STON2: variants seen among roughly 807,000 people sequenced by gnomAD.
STON2 encodes the protein stonin-2.
In STON2, 29 loss-of-function variants were observed where a neutral mutation model predicts 65.7. That is an observed-to-expected ratio of 0.44 (90% CI 0.33 to 0.60). The LOEUF is 0.60. STON2 is among the 20% of genes least tolerant of loss of function. The pLI is 0.03. For missense variants in STON2, 1,054 were observed against 1,118.1 expected, an observed-to-expected ratio of 0.94 and a Z score of 0.82; for synonymous variants, 404 against 414.2, an observed-to-expected ratio of 0.98 and a Z score of 0.30.
rs774812989 is a variant in STON2 at position 81,278,226 on chromosome 14, A to G, written c.1256T>C (p.Ile419Thr). ...GKSQRDSLIV[I>T]YQDAISFDDS... is the part of the protein sequence containing the mutation. ...ATCAAAACTGATGGCATCCTGGTAG[A>G]TGACAATGAGGGAATCTCTTTGGCT... Residue 419 changes from isoleucine to threonine, a missense_variant, in exon 6 of 8, where the codon ATC becomes ACC. Ile to Thr is a moderately conservative substitution (Grantham distance 89). Coordinates refer to ENST00000614646, the MANE Select transcript of STON2 (RefSeq NM_001394390.1). The G allele has an allele frequency of 6.8e-6, 11 of 1,614,062 alleles. No homozygotes were observed. Among genetic ancestry groups the G allele is most frequent in the Non-Finnish European group, 8.5e-6 (10 of 1,180,038 alleles).
At chr14:81,429,461 T>A (rs1902135337) in intron 1 of STON2, among the ~76,000 whole-genome samples, 1 of 152,254 alleles carries the variant, frequency 6.6e-6, no homozygotes, top group Admixed American at 6.5e-5. Flanking sequence ...AGTGCTTTCC[T>A]ATTAATACAA....
chr14:81,400,490 A>AAAC (rs1490038808), upstream of STON2, among the ~76,000 whole-genome samples: 2 of 151,180 alleles, frequency 1.3e-5, no homozygotes, highest in African/African-American at 2.4e-5. Flanking sequence ...AAAAAAAAAA[A>AAAC]AAAAAAACCC....
At chr14:81,357,917 T>C (rs549346802) in intron 4 of STON2, among the ~76,000 whole-genome samples, 27 of 145,740 alleles carry the variant, frequency 1.9e-4, no homozygotes, top group Non-Finnish European at 3.0e-4. Flanking sequence ...AGGGATAGCA[T>C]TGGGAGATAT....
intron 4 of STON2, among the ~76,000 whole-genome samples, chr14:81,337,916 T>C (rs997280225): frequency 1.3e-5 from 2 of 151,890 alleles, no homozygotes; most frequent in East Asian, 1.9e-4. Flanking sequence ...CTGGGCAACA[T>C]GGTGAGACTC....
intron 4 of STON2, among the ~76,000 whole-genome samples, chr14:81,327,194 T>C (rs1277672160): frequency 6.6e-6 from 1 of 152,230 alleles, no homozygotes; most frequent in African/African-American, 2.4e-5. Flanking sequence ...TTATTTAATA[T>C]TATCCAGTCT....
chr14:81,273,819 G>A (rs1894697482), intron 6 of STON2, among the ~76,000 whole-genome samples: 1 of 152,216 alleles, frequency 6.6e-6, no homozygotes, highest in African/African-American at 2.4e-5. Flanking sequence ...GCCTGGAAAT[G>A]CAGGGCCACC....
chr14:81,423,647 C>A (rs747935611), intron 2 of STON2, among the ~76,000 whole-genome samples: 57 of 152,206 alleles, frequency 3.7e-4, no homozygotes, highest in Non-Finnish European at 6.6e-4. Flanking sequence ...CCCAACAAAA[C>A]AGACGCATGG....
intron 6 of STON2, among the ~76,000 whole-genome samples, chr14:81,275,798 C>T (rs1481713534): frequency 1.3e-5 from 2 of 152,106 alleles, no homozygotes; most frequent in African/African-American, 4.8e-5. Flanking sequence ...ATACTGCCGT[C>T]GGCCGTCACA....
Position 81,413,623 on chromosome 14 carries a change from G to T in STON2, c.-199+13479C>A, listed in dbSNP as rs182619057. On this transcript the variant is annotated intron_variant, in intron 2 of 8. Coordinates refer to the STON2 transcript ENST00000553821. ...AGCCTGACCAACATGGTGAAACCCC[G>T]TCTCTATTAAAAATACAAAAAAATT... Among the ~76,000 whole-genome samples, 410 of 138,108 alleles carry T rather than the reference G, an allele frequency of 3.0e-3. 98 individuals are homozygous for T. The highest frequency in any genetic ancestry group is 0.012 in the African/African-American group (401 of 33,304). 90.6% of individuals were successfully genotyped at this position (138,108 alleles called of 152,430 possible). A position where few individuals can be genotyped will look rare whatever the true frequency, so the allele number is the denominator to read the frequency against.
In STON2 at chr14:81,274,128, C is replaced by T. The variant is rs150652991; in HGVS notation, c.2581+2773G>A. On this transcript the variant is annotated intron_variant, in intron 6 of 7. Transcript: ENST00000614646. ...CTGCCTGGAATTCAGATCCTATACA[C>T]CTCAAGTTTCCAAAAAAGGGTGCTG... is the stretch of plus-strand genomic sequence containing the variant. Among the ~76,000 whole-genome samples, 304 of 152,210 alleles carry T rather than the reference C, an allele frequency of 2.0e-3. 1 individual carries two copies. Among genetic ancestry groups the T allele is most frequent in the African/African-American group, 6.9e-3 (287 of 41,528 alleles).
chr14:81,267,139 A>G lies in STON2; in HGVS notation c.*1275T>C. Reference sequence around the variant, plus strand: ...CCCCGACTTGTATTCTTCATGGGAGAAAACACTAAGATACAAATAAGAAGC... The same window carrying G: ...CCCCGACTTGTATTCTTCATGGGAGGAAACACTAAGATACAAATAAGAAGC... On this transcript the variant is annotated 3_prime_UTR_variant, in exon 8 of 8. Coordinates refer to ENST00000614646, the MANE Select transcript of STON2 (RefSeq NM_001394390.1). 1.0e-6 allele frequency: 1 copy of G among 985,388 alleles called. No homozygotes were observed. Among genetic ancestry groups the G allele is most frequent in the Non-Finnish European group, 1.2e-6 (1 of 829,926 alleles). 61.0% of individuals were successfully genotyped at this position (985,388 alleles called of 1,614,324 possible).
chr14:81,374,378 A>G (rs1425321342), intron 3 of STON2, among the ~76,000 whole-genome samples: 2 of 151,992 alleles, frequency 1.3e-5, no homozygotes, highest in Admixed American at 1.3e-4. Context: ...AATGTTCCTA[A>G]GTTGATGTGC....
chr14:81,427,323 C>T (rs1902027732), intron 1 of STON2: 1 of 152,282 alleles, frequency 6.6e-6, no homozygotes, highest in Admixed American at 6.5e-5. Flanking sequence ...ATATTCTCTA[C>T]CCTCTTCACA....
At position 81,324,127 on chromosome 14, in the gene STON2, G is replaced by A. The variant is rs1224839517; in HGVS notation, c.632C>T (p.Ser211Leu). 2.6e-5 allele frequency among the ~76,000 whole-genome samples: 4 copies of A among 152,170 alleles called. No individual in the cohort carries two copies. Among genetic ancestry groups the A allele is most frequent in the East Asian group, 1.9e-4 (1 of 5,180 alleles). Residue 211 changes from serine (S) to leucine (L), a missense_variant, in exon 5 of 8, where the codon TCG becomes TTG. Physicochemically the swap from Ser to Leu is moderately radical, Grantham distance 145. Coordinates refer to ENST00000614646, the MANE Select transcript of STON2 (RefSeq NM_001394390.1). ...QTAVSPVQAC[S>L]EHTSTRTHRL... ...GTGGGTGCGGGTGGAGGTATGCTCC[G>A]AGCATGCTTGAACAGGACTCACTGC...
At chr14:81,366,896 T>A (rs1349288191) in intron 4 of STON2, among the ~76,000 whole-genome samples, 1 of 152,192 alleles carries the variant, frequency 6.6e-6, no homozygotes, top group Non-Finnish European at 1.5e-5. Context: ...CCTGTCACCC[T>A]GACTGAGCAG....
At chr14:81,364,267 C>T (rs972814053) in intron 4 of STON2, among the ~76,000 whole-genome samples, 14 of 152,080 alleles carry the variant, frequency 9.2e-5, no homozygotes, top group African/African-American at 4.8e-5. Flanking sequence ...TGTTTTAAAG[C>T]CTATGAGGGT....
chr14:81,329,618 A>T (rs1441958344), intron 4 of STON2, among the ~76,000 whole-genome samples: 1 of 152,184 alleles, frequency 6.6e-6, no homozygotes, highest in Non-Finnish European at 1.5e-5. Context: ...TCTAGCCTCC[A>T]AGACTGTGAG....
At chr14:81,379,717 C>T (rs1052425456) in intron 3 of STON2, among the ~76,000 whole-genome samples, 1 of 152,142 alleles carries the variant, frequency 6.6e-6, no homozygotes, top group African/African-American at 2.4e-5. Context: ...TGATCTTCTA[C>T]AAAGCCAACA....
At chr14:81,345,774 T>A (rs1220865736) in intron 4 of STON2, among the ~76,000 whole-genome samples, 1 of 151,610 alleles carries the variant, frequency 6.6e-6, no homozygotes, top group Non-Finnish European at 1.5e-5. Flanking sequence ...AAAAAAAAAA[T>A]TCTGTTGTTT....
Sources: gnomAD v4.1 joint callset for allele counts (sites outside exome capture counted in the v4.1 genomes callset) on GRCh38, gnomAD v4.1.1 for gene constraint, MANE v1.5 for transcripts, NCBI Gene and HGNC (gene_info 2026-07-23, HGNC 2026-07-21) for gene names.